SLC24A2: variants seen among roughly 807,000 people sequenced by gnomAD.
SLC24A2 encodes the protein sodium/potassium/calcium exchanger 2.
In SLC24A2, 36 loss-of-function variants were observed where a neutral mutation model predicts 62.0. The observed-to-expected ratio is 0.58, with a 90% CI of 0.44 to 0.77. The LOEUF is 0.77. Ranked by LOEUF, SLC24A2 falls within the 30% of genes least tolerant of loss-of-function variation. The probability of loss-of-function intolerance (pLI) is 0.00; values close to 1 mark genes in which losing one functional copy is unlikely to be tolerated. For missense variants in SLC24A2, 846 were observed against 817.9 expected, an observed-to-expected ratio of 1.03 and a Z score of -0.42; for synonymous variants, 358 against 294.0, an observed-to-expected ratio of 1.22 and a Z score of -2.23.
chr9:20,053,731 G>A, the SLC24A2 span, among the ~76,000 whole-genome samples: 1 of 152,088 alleles, frequency 6.6e-6, no homozygotes, highest in Non-Finnish European at 1.5e-5. Context: ...CAGGAAGCAG[G>A]CCCTCACCAA....
At chr9:19,990,905 A>G in the SLC24A2 span, among the ~76,000 whole-genome samples, 1 of 140,716 alleles carries the variant, frequency 7.1e-6, no homozygotes, top group Non-Finnish European at 1.5e-5. Flanking sequence ...GGTTCTCTAG[A>G]GGGACAGGAC....
chr9:19,981,609 C>G, the SLC24A2 span, among the ~76,000 whole-genome samples: 4 of 152,134 alleles, frequency 2.6e-5, no homozygotes, highest in Admixed American at 1.3e-4. Context: ...TTCCCACATG[C>G]AATCATAGGT....
chr9:20,017,097 A>G, the SLC24A2 span, among the ~76,000 whole-genome samples: 2 of 152,172 alleles, frequency 1.3e-5, no homozygotes, highest in Non-Finnish European at 2.9e-5. Context: ...ATCTTGGCTC[A>G]CTGCAACCTC....
At chr9:19,851,307 G>T in the SLC24A2 span, among the ~76,000 whole-genome samples, 1 of 151,586 alleles carries the variant, frequency 6.6e-6, no homozygotes, top group South Asian at 2.1e-4. Flanking sequence ...TTACAGGTGT[G>T]AGCTACTGCG....
chr9:19,851,027 A>ATATATATATATAT, the SLC24A2 span, among the ~76,000 whole-genome samples: 127 of 55,230 alleles, frequency 2.3e-3, 7 homozygotes, highest in African/African-American at 9.4e-3. Flanking sequence ...ATATATACAT[A>ATATATATATATAT]TTTTTTTTTT....
the SLC24A2 span, among the ~76,000 whole-genome samples, chr9:19,866,252 G>C: frequency 1.0e-3 from 153 of 152,260 alleles, 1 homozygote; most frequent in African/African-American, 3.3e-3. Flanking sequence ...CTGTTGGTGC[G>C]AATGTAAATT....
the SLC24A2 span, among the ~76,000 whole-genome samples, chr9:20,167,430 T>A: frequency 6.6e-6 from 1 of 151,932 alleles, no homozygotes; most frequent in African/African-American, 2.4e-5. Flanking sequence ...CAAGAAAGAA[T>A]CCTGTGGGTT....
the SLC24A2 span, among the ~76,000 whole-genome samples, chr9:20,071,870 T>G: frequency 2.0e-5 from 3 of 152,112 alleles, no homozygotes; most frequent in African/African-American, 7.2e-5. Context: ...TTTAATTTGC[T>G]GGAGCGGCTC....
At chr9:19,810,065 G>A in the SLC24A2 span, among the ~76,000 whole-genome samples, 1 of 152,120 alleles carries the variant, frequency 6.6e-6, no homozygotes, top group Non-Finnish European at 1.5e-5. Context: ...GGGCATAGAG[G>A]CCACACTGCT....
intron 2 of SLC24A2, among the ~76,000 whole-genome samples, chr9:19,778,686 A>T (rs1449907886): frequency 2.0e-5 from 3 of 152,172 alleles, no homozygotes; most frequent in Non-Finnish European, 1.5e-5. Context: ...GTACTCCCGG[A>T]CCTTTGACAG....
At chr9:19,585,228 T>C (rs887967371) in intron 5 of SLC24A2, among the ~76,000 whole-genome samples, 1 of 152,230 alleles carries the variant, frequency 6.6e-6, no homozygotes, top group Non-Finnish European at 1.5e-5. Context: ...CTCTCTTACT[T>C]AGTATTCAAT....
At chr9:19,918,140 A>ATATGTG in the SLC24A2 span, among the ~76,000 whole-genome samples, 5 of 147,942 alleles carry the variant, frequency 3.4e-5, no homozygotes, top group African/African-American at 1.2e-4. Context: ...AACTGACATT[A>ATATGTG]TGTGTGTGTG....
the SLC24A2 span, among the ~76,000 whole-genome samples, chr9:19,944,109 A>G: frequency 5.3e-5 from 8 of 152,160 alleles, no homozygotes; most frequent in African/African-American, 1.7e-4. Context: ...GAGGACTACT[A>G]GGCAGGGGAG....
chr9:19,961,052 G>GAA, the SLC24A2 span, among the ~76,000 whole-genome samples: 1 of 149,326 alleles, frequency 6.7e-6, no homozygotes, highest in African/African-American at 2.5e-5. Flanking sequence ...GTGTGTGTGT[G>GAA]AGTGAGAGAA....
the SLC24A2 span, among the ~76,000 whole-genome samples, chr9:20,116,211 T>C: frequency 6.6e-6 from 1 of 152,166 alleles, no homozygotes; most frequent in Non-Finnish European, 1.5e-5. Context: ...CAAACAGCTC[T>C]CACACCAGAA....
chr9:19,760,134 C>G (rs1363434691), intron 2 of SLC24A2, among the ~76,000 whole-genome samples: 1 of 152,088 alleles, frequency 6.6e-6, no homozygotes, highest in Non-Finnish European at 1.5e-5. Flanking sequence ...ACAGCTTCTC[C>G]AAGTCCCACC....
At chr9:20,064,099 A>C in the SLC24A2 span, among the ~76,000 whole-genome samples, 1 of 152,252 alleles carries the variant, frequency 6.6e-6, no homozygotes. Flanking sequence ...ATAAATGAAT[A>C]AATGTGGTAT....
chr9:19,890,230 C>T, the SLC24A2 span, among the ~76,000 whole-genome samples: 130 of 152,322 alleles, frequency 8.5e-4, no homozygotes, highest in African/African-American at 2.9e-3. Context: ...ACAGTCTTCT[C>T]ATAACCTAAT....
the SLC24A2 span, among the ~76,000 whole-genome samples, chr9:19,997,338 TTA>T: frequency 6.6e-6 from 1 of 152,190 alleles, no homozygotes; most frequent in Admixed American, 6.5e-5. Context: ...CATTTAAGCT[TTA>T]TGTCACCTCA....
Sources: gnomAD v4.1 joint callset for allele counts (sites outside exome capture counted in the v4.1 genomes callset) on GRCh38, gnomAD v4.1.1 for gene constraint, MANE v1.5 for transcripts, NCBI Gene and HGNC (gene_info 2026-07-23, HGNC 2026-07-21) for gene names.